Variants in PACS2 observed in about 807,000 individuals in gnomAD.
PACS2 encodes the protein phosphofurin acidic cluster sorting protein 2.
In PACS2, 36 loss-of-function variants were observed where a neutral mutation model predicts 113.0. The ratio of observed to expected loss-of-function variants is 0.32; its 90% CI spans 0.24 to 0.42. The LOEUF (loss-of-function observed/expected upper bound fraction) is 0.42, where lower values mean the gene tolerates loss of function less well. Among genes scored for constraint, PACS2 ranks in the 10% least tolerant of loss-of-function variants. The probability of loss-of-function intolerance (pLI) is 1.00; values close to 1 mark genes in which losing one functional copy is unlikely to be tolerated. For missense variants in PACS2, 1,015 were observed against 1,239.5 expected (o/e 0.82, Z 2.72); for synonymous variants, 589 against 536.1 (o/e 1.10, Z -1.36).
At position 105,393,179 on chromosome 14, in the gene PACS2, A is replaced by C. The variant is rs782278962; in HGVS notation, c.2483-43A>C. 9 of 1,494,334 alleles carry C rather than the reference A, an allele frequency of 6.0e-6. No homozygotes were observed. In the East Asian group the frequency reaches 2.0e-4, roughly 34 times the overall value. 92.6% of individuals were successfully genotyped at this position (1,494,334 alleles called of 1,614,324 possible). On this transcript the variant is annotated intron_variant, in intron 23 of 24. Coordinates refer to ENST00000447393, the MANE Select transcript of PACS2 (RefSeq NM_001100913.3). ...ACCCCTGGCCCTGGCCCCAGCCCCGAAGGAGCAGCAAGATGACAGCAGGGC... is the reference window on the plus strand; with the variant it reads ...ACCCCTGGCCCTGGCCCCAGCCCCGCAGGAGCAGCAAGATGACAGCAGGGC...
At chr14:105,333,004 C>T (rs761339821) in intron 1 of PACS2, among the ~76,000 whole-genome samples, 36 of 152,142 alleles carry the variant, frequency 2.4e-4, no homozygotes, top group Non-Finnish European at 3.4e-4. Context: ...TGGGCTGCGT[C>T]GTGGTTTCTC....
chr14:105,384,321 G>C, intron 16 of PACS2, 32 bp from the exon 17 acceptor site: 1 of 1,340,238 alleles, frequency 7.5e-7, no homozygotes. Context: ...CGAGTCCCCC[G>C]TGGTGACACC....
chr14:105,364,909 GCTGGTCTCAAACT>G (rs374448127), intron 4 of PACS2, among the ~76,000 whole-genome samples: 6 of 152,168 alleles, frequency 3.9e-5, no homozygotes, highest in African/African-American at 1.4e-4. Flanking sequence ...TGTTGCCCAG[GCTGGTCTCAAACT>G]CCTGAGCTCA....
intron 2 of PACS2, among the ~76,000 whole-genome samples, chr14:105,349,414 G>C (rs1043414872): frequency 6.6e-6 from 1 of 152,254 alleles, no homozygotes; most frequent in African/African-American, 2.4e-5. Context: ...CAGCCCATCA[G>C]CTCCTCGAGG....
At chr14:105,352,019 G>A (rs1291974565) in intron 2 of PACS2, among the ~76,000 whole-genome samples, 1 of 152,178 alleles carries the variant, frequency 6.6e-6, no homozygotes, top group South Asian at 2.1e-4. Context: ...GAGGCTTGGT[G>A]CCTCCAGATT....
Position 105,358,364 on chromosome 14 carries a change from G to A in PACS2, c.423+3187G>A, listed in dbSNP as rs1373720539. 6.6e-6 allele frequency among the ~76,000 whole-genome samples: 1 copy of A among 152,238 alleles called. No homozygotes were observed. Among genetic ancestry groups the A allele is most frequent in the Admixed American group, 6.5e-5 (1 of 15,290 alleles). ...GCCTCTGCCTGCCACTTCTCAGGAA[G>A]CTTGAGCTGACTGCAGGTGGTCCCT... On this transcript the variant is annotated intron_variant, in intron 4 of 24. Transcript: ENST00000447393. This position sits in a 1 kb window ranked among gnomAD's most constrained non-coding sequence, Gnocchi z 4.9.
At chr14:105,316,492 G>T (rs2058641642) in intron 1 of PACS2, among the ~76,000 whole-genome samples, 1 of 152,224 alleles carries the variant, frequency 6.6e-6, no homozygotes, top group South Asian at 2.1e-4. Context: ...GGCTGTTGGC[G>T]CTCCCCTGCT....
chr14:105,343,670 GT>G (rs2059816089), intron 1 of PACS2, among the ~76,000 whole-genome samples: 1 of 150,888 alleles, frequency 6.6e-6, no homozygotes, highest in South Asian at 2.1e-4. Flanking sequence ...ATCTTTTCTG[GT>G]GAAACGTCTG....
Position 105,355,359 on chromosome 14 carries a change from T to G in PACS2, c.423+182T>G, listed in dbSNP as rs1235557590. Among the ~76,000 whole-genome samples the G allele has an allele frequency of 6.6e-6, 1 of 152,220 alleles. No individual in the cohort carries two copies. The highest frequency in any genetic ancestry group is 1.5e-5 in the Non-Finnish European group (1 of 68,036). On this transcript the variant is annotated intron_variant, in intron 4 of 24. Coordinates refer to ENST00000447393, the MANE Select transcript of PACS2 (RefSeq NM_001100913.3). The surrounding 1 kb of genome is among the most constrained non-coding windows in gnomAD (Gnocchi z 4.1). ...GCCAGGTGCGGCCCCAGGTGGTGCT[T>G]CCTCTCTGACCTTCCCTTGCCGCCT...
intron 9 of PACS2, 21 bp from the exon 10 acceptor site, chr14:105,379,718 C>T: frequency 6.3e-7 from 1 of 1,598,974 alleles, no homozygotes; most frequent in South Asian, 1.1e-5. Context: ...ACGTGTCCCC[C>T]ACCCCTGTTC....
intron 1 of PACS2, among the ~76,000 whole-genome samples, chr14:105,304,965 C>T (rs947583746): frequency 6.6e-6 from 1 of 152,260 alleles, no homozygotes; most frequent in Non-Finnish European, 1.5e-5. Flanking sequence ...GGTGGGTACA[C>T]AGAGCCAAAT....
rs747435170 is a variant in PACS2 at position 105,355,240 on chromosome 14, C to T, written c.423+63C>T. The T allele has an allele frequency of 9.7e-6, 15 of 1,553,842 alleles. No homozygotes were observed. The highest frequency in any genetic ancestry group is 5.9e-5 in the South Asian group (5 of 84,798). Reference sequence around the variant, plus strand: ...CCACCTGGGTGCCAGAGCATTCGCCCGTGGGAGATGGAGATGTCTCTCCCG... The same window carrying T: ...CCACCTGGGTGCCAGAGCATTCGCCTGTGGGAGATGGAGATGTCTCTCCCG... On this transcript the variant is annotated intron_variant, in intron 4 of 24. Coordinates refer to ENST00000447393, the MANE Select transcript of PACS2 (RefSeq NM_001100913.3). The surrounding 1 kb of genome is among the most constrained non-coding windows in gnomAD (Gnocchi z 4.1).
Position 105,366,326 on chromosome 14 carries a change from C to T in PACS2, c.424-887C>T, listed in dbSNP as rs1306258301. On this transcript the variant is annotated intron_variant, in intron 4 of 24. Transcript: ENST00000447393. This position sits in a 1 kb window ranked among gnomAD's most constrained non-coding sequence, Gnocchi z 4.3. ...TCGCACCATTGCACACCAGCCTGGG[C>T]CACAGAATGAGACTCCGTCTCAAAA... is the stretch of plus-strand genomic sequence containing the variant. Among the ~76,000 whole-genome samples the T allele has an allele frequency of 6.6e-6, 1 of 152,158 alleles. No individual in the cohort carries two copies. The highest frequency in any genetic ancestry group is 1.5e-5 in the Non-Finnish European group (1 of 68,032).
chr14:105,361,062 C>T (rs1055894580), intron 4 of PACS2, among the ~76,000 whole-genome samples: 25 of 152,240 alleles, frequency 1.6e-4, no homozygotes, highest in African/African-American at 6.0e-4. Flanking sequence ...ACCACATGTG[C>T]ACTTCCTTCC....
rs781922659 is a variant in PACS2 at position 105,392,818 on chromosome 14, G to A, written c.2455G>A (p.Val819Met). ...AAATPTMSMTVVTKEKNKKVM... is the reference protein window; with the variant it reads ...AAATPTMSMTMVTKEKNKKVM... Reference sequence around the variant, plus strand: ...AGCCACGCCCACCATGTCCATGACCGTGGTCACCAAGGAGAAGAACAAGAA... The same window carrying A: ...AGCCACGCCCACCATGTCCATGACCATGGTCACCAAGGAGAAGAACAAGAA... The change falls in exon 23 of 25, where the codon GTG becomes ATG. Residue 819 changes from valine (V) to methionine (M), a missense_variant. Transcript: ENST00000447393. The A allele has an allele frequency of 1.6e-5, 26 of 1,606,296 alleles. No homozygotes were observed. Among genetic ancestry groups the A allele is most frequent in the African/African-American group, 5.3e-5 (4 of 74,902 alleles).
At chr14:105,312,348 C>T (rs1253565602), upstream of PACS2, among the ~76,000 whole-genome samples, 1 of 152,182 alleles carries the variant, frequency 6.6e-6, no homozygotes, top group Non-Finnish European at 1.5e-5. Flanking sequence ...ATAATAACTC[C>T]CACAACCTCC....
upstream of PACS2, among the ~76,000 whole-genome samples, chr14:105,313,150 G>C (rs774840464): frequency 6.6e-6 from 1 of 152,180 alleles, no homozygotes; most frequent in Non-Finnish European, 1.5e-5. Flanking sequence ...CCCTGCCTGG[G>C]TTAGACGCTG....
At chr14:105,379,102 G>C (rs1434616632) in intron 9 of PACS2, among the ~76,000 whole-genome samples, 1 of 151,884 alleles carries the variant, frequency 6.6e-6, no homozygotes, top group African/African-American at 2.4e-5. Flanking sequence ...GTCTGGAAAG[G>C]CCTGGATGGT....
chr14:105,396,823 C>T lies in PACS2; in HGVS notation c.*2151C>T, dbSNP rs1555416968. ...CTGCCTGCTCTTCCTGTTTCTTTCC[C>T]AAGGGTCACACTCAGTAGGGAGATG... is the stretch of plus-strand genomic sequence containing the variant. On this transcript the variant is annotated 3_prime_UTR_variant, in exon 25 of 25. Coordinates refer to ENST00000447393, the MANE Select transcript of PACS2 (RefSeq NM_001100913.3). The T allele has an allele frequency of 6.6e-6, 1 of 152,316 alleles. No homozygotes were observed. Among genetic ancestry groups the T allele is most frequent in the African/African-American group, 2.4e-5 (1 of 41,432 alleles). The allele number at this position is 152,316 out of a possible 1,614,324, so 9.4% of individuals were successfully genotyped here. A position where few individuals can be genotyped will look rare whatever the true frequency, so the allele number is the denominator to read the frequency against.
Sources: allele counts gnomAD v4.1 joint callset (sites outside exome capture counted in the v4.1 genomes callset), GRCh38; gene constraint gnomAD v4.1.1; non-coding constraint Gnocchi (gnomAD v3.1); transcripts MANE v1.5; gene names NCBI Gene and HGNC (gene_info 2026-07-23, HGNC 2026-07-21).